Variants in LRBA observed in about 807,000 individuals in gnomAD.
LRBA encodes the protein lipopolysaccharide-responsive and beige-like anchor protein.
Under a neutral mutation model 330.0 loss-of-function variants are expected in LRBA, and 176 were observed. That is an observed-to-expected ratio of 0.53 (90% CI 0.47 to 0.60). The LOEUF is 0.60. Among genes scored for constraint, LRBA ranks in the 20% least tolerant of loss-of-function variants. LRBA has a pLI of 0.00. For missense variants in LRBA, 3,259 were observed against 3,444.8 expected, an observed-to-expected ratio of 0.95 and a Z score of 1.35; for synonymous variants, 1,230 against 1,193.0, an observed-to-expected ratio of 1.03 and a Z score of -0.64.
chr4:150,670,262 T>C (rs1360159837), intron 37 of LRBA, among the ~76,000 whole-genome samples: 1 of 152,236 alleles, frequency 6.6e-6, no homozygotes, highest in Admixed American at 6.5e-5. Flanking sequence ...AAAATTGACA[T>C]TCTACTGTAA....
intron 48 of LRBA, among the ~76,000 whole-genome samples, chr4:150,349,368 T>G (rs541607118): frequency 2.6e-5 from 4 of 152,238 alleles, no homozygotes; most frequent in Non-Finnish European, 5.9e-5. Context: ...ATTTTTCATA[T>G]GAAGTATATT....
intron 47 of LRBA, among the ~76,000 whole-genome samples, chr4:150,388,511 C>A (rs988205952): frequency 1.3e-5 from 2 of 152,186 alleles, no homozygotes; most frequent in African/African-American, 2.4e-5. Flanking sequence ...TACGAATCAT[C>A]TTTAGGCAAA....
chr4:150,952,244 C>A (rs1001948133), intron 2 of LRBA, among the ~76,000 whole-genome samples: 1 of 150,038 alleles, frequency 6.7e-6, no homozygotes, highest in Non-Finnish European at 1.5e-5. Flanking sequence ...TACAAAATAA[C>A]CTGTTGTATA....
intron 2 of LRBA, among the ~76,000 whole-genome samples, chr4:150,977,532 T>C (rs983088273): frequency 1.6e-4 from 24 of 151,628 alleles, no homozygotes; most frequent in Non-Finnish European, 2.7e-4. Flanking sequence ...TGGGTGAGAC[T>C]CTGAAACGTG....
chr4:150,453,203 A>T (rs1329211640), intron 44 of LRBA, among the ~76,000 whole-genome samples: 1 of 151,792 alleles, frequency 6.6e-6, no homozygotes, highest in African/African-American at 2.4e-5. Context: ...GGAAGCAAAA[A>T]GCCTAGAACA....
chr4:150,657,365 A>G, intron 37 of LRBA, among the ~76,000 whole-genome samples: 1 of 152,166 alleles, frequency 6.6e-6, no homozygotes, highest in East Asian at 1.9e-4. Context: ...TCTAGGGGTT[A>G]CCATTTTAAT....
chr4:150,429,636 C>T (rs745817681), intron 46 of LRBA, among the ~76,000 whole-genome samples: 6 of 152,048 alleles, frequency 3.9e-5, no homozygotes, highest in Non-Finnish European at 5.9e-5. Flanking sequence ...GAGAAATGCA[C>T]AGGCTAGAGA....
chr4:150,672,056 A>G (rs553710942), intron 37 of LRBA, among the ~76,000 whole-genome samples: 5 of 152,318 alleles, frequency 3.3e-5, no homozygotes, highest in East Asian at 1.9e-4. Flanking sequence ...AATTTCTAGG[A>G]ATGCTCATTT....
chr4:150,375,134 G>A (rs1220259814), intron 47 of LRBA, among the ~76,000 whole-genome samples: 1 of 152,146 alleles, frequency 6.6e-6, no homozygotes, highest in East Asian at 1.9e-4. Context: ...GCTATAGAAG[G>A]GAGGCTGTCT....
chr4:150,283,727 C>T (rs1345450325), intron 54 of LRBA, among the ~76,000 whole-genome samples: 1 of 152,194 alleles, frequency 6.6e-6, no homozygotes, highest in Non-Finnish European at 1.5e-5. Flanking sequence ...CCTCCAATAA[C>T]ATAGTTCAAA....
intron 40 of LRBA, among the ~76,000 whole-genome samples, chr4:150,563,067 G>A (rs1324297354): frequency 6.6e-6 from 1 of 152,088 alleles, no homozygotes; most frequent in African/African-American, 2.4e-5. Flanking sequence ...AAAGTGCTGG[G>A]ATTACAGAAA....
intron 40 of LRBA, among the ~76,000 whole-genome samples, chr4:150,573,474 G>A (rs890657085): frequency 6.6e-6 from 1 of 151,938 alleles, no homozygotes; most frequent in Admixed American, 6.6e-5. Context: ...TAACACAGAA[G>A]TAAAAATAAC....
intron 46 of LRBA, among the ~76,000 whole-genome samples, chr4:150,418,520 C>A (rs1422287012): frequency 6.6e-6 from 1 of 152,014 alleles, no homozygotes; most frequent in East Asian, 1.9e-4. Flanking sequence ...CCATCAGTTT[C>A]CATTTAATTA....
At chr4:150,903,302 T>C (rs545753345) in intron 13 of LRBA, among the ~76,000 whole-genome samples, 2 of 151,788 alleles carry the variant, frequency 1.3e-5, no homozygotes, top group East Asian at 2.0e-4. Flanking sequence ...GGAGGACTGA[T>C]TGAGCCCAGG....
intron 4 of LRBA, among the ~76,000 whole-genome samples, chr4:150,923,715 T>A (rs1733580236): frequency 6.6e-6 from 1 of 152,162 alleles, no homozygotes; most frequent in South Asian, 2.1e-4. Flanking sequence ...AGACATACTA[T>A]CTCATTTTAA....
intron 2 of LRBA, among the ~76,000 whole-genome samples, chr4:151,008,615 T>C (rs1744405878): frequency 2.0e-5 from 3 of 151,852 alleles, no homozygotes; most frequent in South Asian, 2.1e-4. Context: ...ACCATATAAA[T>C]GGACCCATGC....
intron 40 of LRBA, among the ~76,000 whole-genome samples, chr4:150,510,040 G>T (rs763513878): frequency 4.9e-4 from 74 of 152,156 alleles, no homozygotes; most frequent in Non-Finnish European, 8.8e-4. Flanking sequence ...GGAGGCTGAG[G>T]CAGGAGAATT....
chr4:150,315,336 T>A (rs1731578195), intron 51 of LRBA: 1 of 585,786 alleles, frequency 1.7e-6, no homozygotes, highest in African/African-American at 1.9e-5. Flanking sequence ...CATATTAATT[T>A]TCAGTGACAC....
chr4:150,805,587 A>C (rs1430736041), intron 33 of LRBA, among the ~76,000 whole-genome samples: 1 of 135,666 alleles, frequency 7.4e-6, no homozygotes, highest in Non-Finnish European at 1.5e-5. Context: ...AAAGGAAAGG[A>C]AAGGAAAGGA....
Sources: allele counts gnomAD v4.1 joint callset (sites outside exome capture counted in the v4.1 genomes callset), GRCh38; gene constraint gnomAD v4.1.1; transcripts MANE v1.5; gene names NCBI Gene and HGNC (gene_info 2026-07-23, HGNC 2026-07-21).